The following ASPHD2 variants were observed in gnomAD, a reference collection of about 807,000 sequenced individuals.
ASPHD2 encodes the protein aspartate beta-hydroxylase domain-containing protein 2.
A neutral mutation model predicts 34.6 loss-of-function variants in ASPHD2; 12 were observed. The ratio of observed to expected loss-of-function variants is 0.35; its 90% CI spans 0.22 to 0.56. The LOEUF is 0.56. Ranked by LOEUF, ASPHD2 falls within the 20% of genes least tolerant of loss-of-function variation. The probability of loss-of-function intolerance (pLI) is 0.87; values close to 1 mark genes in which losing one functional copy is unlikely to be tolerated. For missense variants in ASPHD2, 375 were observed against 505.0 expected, an observed-to-expected ratio of 0.74 and a Z score of 2.47; for synonymous variants, 224 against 212.2, an observed-to-expected ratio of 1.06 and a Z score of -0.48.
At chr22:26,438,662 TATAC>T (rs772520896) in intron 2 of ASPHD2, among the ~76,000 whole-genome samples, 7,432 of 124,482 alleles carry the variant, frequency 0.06, 514 homozygotes, top group Non-Finnish European at 0.076. Context: ...CATATATATA[TATAC>T]ACATACATAC....
rs753779226 is a variant in ASPHD2, at chr22:26,433,357, G to A, written c.-224-35G>A. The A allele has an allele frequency of 1.9e-6, 1 of 517,446 alleles. No individual in the cohort carries two copies. Among genetic ancestry groups the A allele is most frequent in the Non-Finnish European group, 3.4e-6 (1 of 296,386 alleles). 32.1% of individuals were successfully genotyped at this position (517,446 alleles called of 1,614,324 possible). A position where few individuals can be genotyped will look rare whatever the true frequency, so the allele number is the denominator to read the frequency against. On this transcript the variant is annotated intron_variant, in intron 1 of 3. Transcript: ENST00000215906. This position sits in a 1 kb window ranked among gnomAD's most constrained non-coding sequence, Gnocchi z 5.1. ...ATTTCAGTTGAGGACTTTTCCAGGT[G>A]TAAAATTTATGCTGATTTTTTTTTT...
chr22:26,435,063 G>A (rs59175060), intron 2 of ASPHD2, among the ~76,000 whole-genome samples: 2 of 152,232 alleles, frequency 1.3e-5, no homozygotes, highest in East Asian at 1.9e-4. Context: ...GGTCGTATGC[G>A]TACTGTGTGT....
At chr22:26,437,421 C>G (rs2084799232) in intron 2 of ASPHD2, among the ~76,000 whole-genome samples, 1 of 152,200 alleles carries the variant, frequency 6.6e-6, no homozygotes, top group Non-Finnish European at 1.5e-5. Flanking sequence ...CTGTGAGCTA[C>G]TTCTAGAGGT....
intron 2 of ASPHD2, among the ~76,000 whole-genome samples, chr22:26,438,470 C>CATAT (rs376290077): frequency 2.1e-5 from 3 of 139,936 alleles, no homozygotes; most frequent in African/African-American, 5.2e-5. Flanking sequence ...TACACACACA[C>CATAT]ATATATATAC....
chr22:26,434,350 G>A lies in ASPHD2; in HGVS notation c.735G>A (p.Arg245=), dbSNP rs11705277. ...GGGTTTGTGTTCCCAGGAACTGTAG[G>A]AAGTGCCCACGGACGTACCGCTTGC... The part of the protein sequence containing the change: ...NQGVCVPRNC[R]KCPRTYRLLG... Residue 245 remains arginine (R), a synonymous_variant, in exon 2 of 4, where the codon AGG becomes AGA. Coordinates refer to ENST00000215906, the MANE Select transcript of ASPHD2 (RefSeq NM_020437.5). 0.15 allele frequency: 237,145 copies of A among 1,614,062 alleles called. 19,214 individuals are homozygous for A. The highest frequency in any genetic ancestry group is 0.17 in the Non-Finnish European group (198,854 of 1,179,976).
intron 2 of ASPHD2, among the ~76,000 whole-genome samples, chr22:26,439,798 A>T (rs1212228555): frequency 6.6e-6 from 1 of 152,176 alleles, no homozygotes; most frequent in Non-Finnish European, 1.5e-5. Flanking sequence ...AGCACATAAG[A>T]GTCACAACCA....
intron 1 of ASPHD2, among the ~76,000 whole-genome samples, chr22:26,430,090 A>C (rs555550727): frequency 6.6e-6 from 1 of 152,192 alleles, no homozygotes; most frequent in African/African-American, 2.4e-5. Context: ...CAAGAGAGGG[A>C]AGGTCCCCAG....
intron 1 of ASPHD2, among the ~76,000 whole-genome samples, chr22:26,431,702 C>T (rs2084757165): frequency 6.6e-6 from 1 of 152,166 alleles, no homozygotes; most frequent in African/African-American, 2.4e-5. Context: ...TTACCTTTAA[C>T]TGTTGGAATT....
chr22:26,432,263 A>C (rs1247819233), intron 1 of ASPHD2, among the ~76,000 whole-genome samples: 1 of 152,352 alleles, frequency 6.6e-6, no homozygotes, highest in South Asian at 2.1e-4. Flanking sequence ...AACTGGGCCC[A>C]TCTCTAATCT....
rs554816128 is a variant in ASPHD2, at chr22:26,440,725, G to A, written c.887-1734G>A. On this transcript the variant is annotated intron_variant, in intron 2 of 3. Transcript: ENST00000215906. ...AGTGTCCTCCAGTTTCCCAGAATGA[G>A]GGCAGACGAAGAGCACGCCATTCTC... Among the ~76,000 whole-genome samples the A allele has an allele frequency of 8.5e-5, 13 of 152,300 alleles. No individual in the cohort carries two copies. In the East Asian group the frequency reaches 2.3e-3, roughly 27 times the overall value.
Position 26,433,073 on chromosome 22 carries a change from C to T in ASPHD2, c.-224-319C>T, listed in dbSNP as rs1301258006. On this transcript the variant is annotated intron_variant, in intron 1 of 3. Coordinates refer to ENST00000215906, the MANE Select transcript of ASPHD2 (RefSeq NM_020437.5). This position sits in a 1 kb window ranked among gnomAD's most constrained non-coding sequence, Gnocchi z 5.1. ...AAGTCAGATGGGGTTTGAGTCTCTGCCCTGGCTGTATAACTCTCGTGAGTT... is the reference window on the plus strand; with the variant it reads ...AAGTCAGATGGGGTTTGAGTCTCTGTCCTGGCTGTATAACTCTCGTGAGTT... Among the ~76,000 whole-genome samples, 1 of 152,164 alleles carries T rather than the reference C, an allele frequency of 6.6e-6. No homozygotes were observed. Among genetic ancestry groups the T allele is most frequent in the East Asian group, 1.9e-4 (1 of 5,192 alleles).
In ASPHD2 at chr22:26,436,529, G is replaced by A. The variant is rs149341397; in HGVS notation, c.886+2028G>A. Among the ~76,000 whole-genome samples, 403 of 152,334 alleles carry A rather than the reference G, an allele frequency of 2.6e-3. 2 individuals are homozygous for A. The highest frequency in any genetic ancestry group is 9.2e-3 in the African/African-American group (383 of 41,578). On this transcript the variant is annotated intron_variant, in intron 2 of 3. Coordinates refer to ENST00000215906, the MANE Select transcript of ASPHD2 (RefSeq NM_020437.5). ...TCATCCCCTGGGGCTTGGGGAAGCC[G>A]GGTCTAGGCTTGCTGGGGAGGCCAG...
Position 26,443,162 on chromosome 22 carries a change from G to A in ASPHD2, c.1066G>A (p.Ala356Thr). ...VDLWHPNVAAAERQALDFIFA... is the reference protein window; with the variant it reads ...VDLWHPNVAATERQALDFIFA... The stretch of plus-strand genomic sequence containing the variant: ...TTTGTGGCATCCAAACGTCGCAGCG[G>A]CCGAACGGCAGGCTCTTGATTTCAT... Residue 356 changes from alanine (A) to threonine (T), a missense_variant, in exon 4 of 4, where the codon GCC becomes ACC. Transcript: ENST00000215906. 1 of 1,614,170 alleles carries A rather than the reference G, an allele frequency of 6.2e-7. No homozygotes were observed. The highest frequency in any genetic ancestry group is 8.5e-7 in the Non-Finnish European group (1 of 1,180,016).
chr22:26,441,478 T>TTAAAAAAA (rs1555883502), intron 2 of ASPHD2, among the ~76,000 whole-genome samples: 2 of 95,620 alleles, frequency 2.1e-5, no homozygotes, highest in Non-Finnish European at 1.9e-5. Context: ...ACCTTGTATC[T>TTAAAAAAA]AAAAAAAAAA....
chr22:26,442,987 A>G (rs997760076), intron 3 of ASPHD2, 110 bp from the exon 4 acceptor site: 8 of 782,562 alleles, frequency 1.0e-5, no homozygotes, highest in Non-Finnish European at 1.6e-5. Context: ...GAGGGACAGG[A>G]TGGGGTCCCT....
At position 26,433,913 on chromosome 22, in the gene ASPHD2, G is replaced by GGGCTGCAGAAT; in HGVS notation, c.303_313dup (p.Tyr105CysfsTer120). On this transcript the variant is annotated frameshift_variant, in exon 2 of 4. Coordinates refer to ENST00000215906, the MANE Select transcript of ASPHD2 (RefSeq NM_020437.5). LOFTEE classifies it high-confidence loss of function. This position sits in a 1 kb window ranked among gnomAD's most constrained non-coding sequence, Gnocchi z 5.1. Reference sequence around the variant, plus strand: ...CCTCATGCAGGCTGCCGATGCCAACGGGCTGCAGAATGGCTACGTGTACTG... The same window carrying GGGCTGCAGAAT: ...CCTCATGCAGGCTGCCGATGCCAACGGGCTGCAGAATGGCTGCAGAATGGCTACGTGTACTG... 6.2e-7 allele frequency: 1 copy of GGGCTGCAGAAT among 1,613,600 alleles called. No individual in the cohort carries two copies.
chr22:26,436,683 T>G lies in ASPHD2; in HGVS notation c.886+2182T>G, dbSNP rs1252811109. On this transcript the variant is annotated intron_variant, in intron 2 of 3. Coordinates refer to ENST00000215906, the MANE Select transcript of ASPHD2 (RefSeq NM_020437.5). ...CTTTTGAAAGGTTTGCCTTTATGTA[T>G]TGTTTTAAAACTTCAGAATGACATC... 2.0e-5 allele frequency among the ~76,000 whole-genome samples: 3 copies of G among 152,332 alleles called. No individual in the cohort carries two copies. In the East Asian group the frequency reaches 5.8e-4, roughly 29 times the overall value.
chr22:26,438,170 G>T (rs908111109), intron 2 of ASPHD2, among the ~76,000 whole-genome samples: 4 of 152,084 alleles, frequency 2.6e-5, no homozygotes, highest in African/African-American at 9.7e-5. Flanking sequence ...GCAGAGAACT[G>T]CCCATTCCTA....
At position 26,442,955 on chromosome 22, in the gene ASPHD2, A is replaced by G. The variant is rs1038833310; in HGVS notation, c.1001-142A>G. On this transcript the variant is annotated intron_variant, in intron 3 of 3. Coordinates refer to ENST00000215906, the MANE Select transcript of ASPHD2 (RefSeq NM_020437.5). ...GCCAGGTTTATGCTCTCAGTGAGAG[A>G]GGAGGTGGTCCGATCCGAGCCGAGG... 37 of 689,848 alleles carry G rather than the reference A, an allele frequency of 5.4e-5. No homozygotes were observed. In the Admixed American group the frequency reaches 7.7e-4, roughly 14 times the overall value. 42.7% of individuals were successfully genotyped at this position (689,848 alleles called of 1,614,324 possible).
Sources: gnomAD v4.1 joint callset for allele counts (sites outside exome capture counted in the v4.1 genomes callset) on GRCh38, gnomAD v4.1.1 for gene constraint, Gnocchi (gnomAD v3.1) non-coding constraint, MANE v1.5 for transcripts, NCBI Gene and HGNC (gene_info 2026-07-23, HGNC 2026-07-21) for gene names.